UBE2R2: variants seen among roughly 807,000 people sequenced by gnomAD.
UBE2R2 encodes ubiquitin-conjugating enzyme E2 R2.
In UBE2R2, 1 loss-of-function variant was observed where a neutral mutation model predicts 27.8. The observed-to-expected ratio is 0.04, with a 90% CI of 0.01 to 0.17. UBE2R2 has a LOEUF of 0.17. Ranked by LOEUF, UBE2R2 falls within the 10% of genes least tolerant of loss-of-function variation. The pLI is 1.00. For synonymous variants in UBE2R2, 106 were observed against 113.3 expected (o/e 0.94, Z 0.41); for missense variants, 100 against 291.0 (o/e 0.34, Z 4.78).
intron 1 of UBE2R2, among the ~76,000 whole-genome samples, chr9:33,869,566 C>G (rs1343383235): frequency 6.6e-6 from 1 of 151,570 alleles, no homozygotes; most frequent in Non-Finnish European, 1.5e-5. Flanking sequence ...TCTCCTGTTT[C>G]AGCCTCCCTA....
At chr9:33,835,737 G>A (rs1820601480) in intron 1 of UBE2R2, among the ~76,000 whole-genome samples, 1 of 151,668 alleles carries the variant, frequency 6.6e-6, no homozygotes, top group Admixed American at 6.6e-5. Context: ...AAACAAAACA[G>A]CCAGGCCTGG....
chr9:33,870,575 G>A (rs1290407277), intron 1 of UBE2R2, among the ~76,000 whole-genome samples: 1 of 152,150 alleles, frequency 6.6e-6, no homozygotes, highest in Admixed American at 6.5e-5. Flanking sequence ...AAAAGTTAGA[G>A]CATTAGGAGA....
chr9:33,865,633 A>G (rs1370905745), intron 1 of UBE2R2, among the ~76,000 whole-genome samples: 1 of 152,180 alleles, frequency 6.6e-6, no homozygotes, highest in African/African-American at 2.4e-5. Context: ...TTAGCTCTCC[A>G]TATTTCCAGT....
In UBE2R2 at chr9:33,920,187, T is replaced by G. The variant is rs535060121; in HGVS notation, c.*2950T>G. 2.0e-5 allele frequency: 3 copies of G among 152,646 alleles called. No individual in the cohort carries two copies. The highest frequency in any genetic ancestry group is 4.4e-5 in the Non-Finnish European group (3 of 68,042). 9.5% of individuals were successfully genotyped at this position (152,646 alleles called of 1,614,324 possible). A position where few individuals can be genotyped will look rare whatever the true frequency, so the allele number is the denominator to read the frequency against. ...ACATTTACAACTAAAAGGATTCAGA[T>G]GCAATTTTCAACTATTCTGAAACCA... is the stretch of plus-strand genomic sequence containing the variant. On this transcript the variant is annotated 3_prime_UTR_variant, in exon 5 of 5. Transcript: ENST00000263228.
chr9:33,900,101 A>C, intron 2 of UBE2R2, 73 bp from the exon 3 acceptor site: 1 of 1,175,490 alleles, frequency 8.5e-7, no homozygotes, highest in Non-Finnish European at 1.2e-6. Context: ...AATAAAGGAA[A>C]CTTTAGAACC....
At chr9:33,859,903 C>T (rs1272745621) in intron 1 of UBE2R2, among the ~76,000 whole-genome samples, 1 of 151,720 alleles carries the variant, frequency 6.6e-6, no homozygotes, top group Non-Finnish European at 1.5e-5. Flanking sequence ...ACCTCCTGGG[C>T]TCAAGCAATC....
intron 1 of UBE2R2, 134 bp downstream of exon 1, chr9:33,818,068 C>G: frequency 9.5e-7 from 1 of 1,050,554 alleles, no homozygotes; most frequent in Non-Finnish European, 1.3e-6. Context: ...CAGCCCCCTC[C>G]CCCATCCCTG....
intron 1 of UBE2R2, among the ~76,000 whole-genome samples, chr9:33,845,464 G>T (rs1027557222): frequency 2.6e-5 from 4 of 151,630 alleles, no homozygotes; most frequent in African/African-American, 9.7e-5. Flanking sequence ...TAGCCAGAAT[G>T]ATCTTGATCT....
chr9:33,835,798 A>G (rs939943637), intron 1 of UBE2R2, among the ~76,000 whole-genome samples: 1 of 151,996 alleles, frequency 6.6e-6, no homozygotes, highest in African/African-American at 2.4e-5. Flanking sequence ...TGGGAGGATC[A>G]TTTGAGCCTG....
chr9:33,900,131 C>A (rs1822213799), intron 2 of UBE2R2, 43 bp from the exon 3 acceptor site: 2 of 1,504,282 alleles, frequency 1.3e-6, no homozygotes, highest in African/African-American at 1.4e-5. Context: ...TTTTGTACAT[C>A]ACTTTTTGAG....
intron 1 of UBE2R2, among the ~76,000 whole-genome samples, chr9:33,823,556 A>G (rs983609324): frequency 2.6e-5 from 4 of 151,634 alleles, no homozygotes; most frequent in Non-Finnish European, 5.9e-5. Context: ...TTGTATTTTT[A>G]GTGGAAACGG....
At chr9:33,828,922 A>G (rs554678712) in intron 1 of UBE2R2, among the ~76,000 whole-genome samples, 9 of 152,086 alleles carry the variant, frequency 5.9e-5, no homozygotes, top group African/African-American at 2.2e-4. Context: ...TTCAGTAGAG[A>G]TGGGGTTTCA....
At position 33,918,075 on chromosome 9, in the gene UBE2R2, G is replaced by A. The variant is rs1822698538; in HGVS notation, c.*838G>A. On this transcript the variant is annotated 3_prime_UTR_variant, in exon 5 of 5. Transcript: ENST00000263228. ...CAAGCGGGGAAGTTGGGATGAGTGC[G>A]TGTGGGAGCAAAGAGTTAAAAATCA... 1 of 153,576 alleles carries A rather than the reference G, an allele frequency of 6.5e-6. No homozygotes were observed. Among genetic ancestry groups the A allele is most frequent in the South Asian group, 2.1e-4 (1 of 4,830 alleles). The allele number at this position is 153,576 out of a possible 1,614,324, so 9.5% of individuals were successfully genotyped here.
At chr9:33,906,551 C>G (rs1377628879) in intron 3 of UBE2R2, among the ~76,000 whole-genome samples, 1 of 152,052 alleles carries the variant, frequency 6.6e-6, no homozygotes, top group African/African-American at 2.4e-5. Context: ...AAATTATGAA[C>G]TTTTCTTGCT....
At chr9:33,868,248 CTT>C (rs1473580483) in intron 1 of UBE2R2, among the ~76,000 whole-genome samples, 3 of 152,150 alleles carry the variant, frequency 2.0e-5, no homozygotes, top group South Asian at 2.1e-4. Context: ...CAGCTGAAGT[CTT>C]TTTATGGGCA....
intron 1 of UBE2R2, among the ~76,000 whole-genome samples, chr9:33,846,802 A>G (rs966280682): frequency 1.3e-5 from 2 of 152,126 alleles, no homozygotes; most frequent in African/African-American, 2.4e-5. Context: ...TATAGTTTTT[A>G]TGTGTCACAA....
intron 4 of UBE2R2, among the ~76,000 whole-genome samples, chr9:33,914,252 T>C (rs1406051332): frequency 6.6e-6 from 1 of 152,182 alleles, no homozygotes; most frequent in African/African-American, 2.4e-5. Flanking sequence ...ATGTAATAGA[T>C]TTCCTAGCAG....
chr9:33,905,206 A>AC (rs1472676884), intron 3 of UBE2R2, among the ~76,000 whole-genome samples: 7 of 152,166 alleles, frequency 4.6e-5, no homozygotes, highest in African/African-American at 1.7e-4. Context: ...AAAGCGTGAA[A>AC]CCAAATTTAT....
rs1435602705 is a variant in UBE2R2 at position 33,918,157 on chromosome 9, A to G, written c.*920A>G. The stretch of plus-strand genomic sequence containing the variant: ...GAAAAAGTTGAAACTACTGGTGACC[A>G]CTGTTGGGAGAGGAAACATCTGTTT... On this transcript the variant is annotated 3_prime_UTR_variant, in exon 5 of 5. Transcript: ENST00000263228. The G allele has an allele frequency of 1.3e-5, 2 of 152,818 alleles. No homozygotes were observed. The highest frequency in any genetic ancestry group is 4.8e-5 in the African/African-American group (2 of 41,430). The allele number at this position is 152,818 out of a possible 1,614,324, so 9.5% of individuals were successfully genotyped here. A position where few individuals can be genotyped will look rare whatever the true frequency, so the allele number is the denominator to read the frequency against.
Sources: allele counts gnomAD v4.1 joint callset (sites outside exome capture counted in the v4.1 genomes callset), GRCh38; gene constraint gnomAD v4.1.1; transcripts MANE v1.5; gene names NCBI Gene and HGNC (gene_info 2026-07-23, HGNC 2026-07-21).